Variants in CRIM1 observed in about 807,000 individuals in gnomAD.
The protein encoded by CRIM1 is cysteine-rich motor neuron 1 protein.
Under a neutral mutation model 116.4 loss-of-function variants are expected in CRIM1, and 32 were observed. The ratio of observed to expected loss-of-function variants is 0.27; its 90% CI spans 0.21 to 0.37. The LOEUF (loss-of-function observed/expected upper bound fraction) is 0.37. Ranked by LOEUF, CRIM1 falls within the 10% of genes least tolerant of loss-of-function variation. The pLI is 1.00. For synonymous variants in CRIM1, 590 were observed against 509.2 expected (o/e 1.16, Z -2.13); for missense variants, 1,331 against 1,354.8 (o/e 0.98, Z 0.28).
At chr2:36,427,564 C>T (rs1674554599) in intron 2 of CRIM1, among the ~76,000 whole-genome samples, 1 of 152,190 alleles carries the variant, frequency 6.6e-6, no homozygotes, top group Admixed American at 6.5e-5. Flanking sequence ...ATTCTACCAT[C>T]TTTCATGTTG....
intron 12 of CRIM1, among the ~76,000 whole-genome samples, chr2:36,518,882 A>C (rs903660484): frequency 1.3e-5 from 2 of 152,210 alleles, no homozygotes; most frequent in African/African-American, 2.4e-5. Context: ...TTAGTTTACA[A>C]ATATTTGTAG....
intron 4 of CRIM1, among the ~76,000 whole-genome samples, chr2:36,448,524 C>T (rs966895944): frequency 6.6e-6 from 1 of 152,242 alleles, no homozygotes; most frequent in African/African-American, 2.4e-5. Flanking sequence ...TACAGGCTTA[C>T]ACGGTAGACA....
intron 13 of CRIM1, chr2:36,529,094 C>G (rs532930394): frequency 1.5e-5 from 7 of 471,062 alleles, no homozygotes; most frequent in Non-Finnish European, 2.6e-5. Context: ...AGTTAGGCTG[C>G]TGCACTGCTA....
chr2:36,512,351 T>C lies in CRIM1; in HGVS notation c.1737T>C (p.Gly579=). Reference sequence around the variant, plus strand: ...CATGCAGTAAGATCTGCCCCTTGGGTTTCCAGCAGGACAGTCACGGCTGTC... The same window carrying C: ...CATGCAGTAAGATCTGCCCCTTGGGCTTCCAGCAGGACAGTCACGGCTGTC... ...ELSCSKICPL[G]FQQDSHGCLI... is the part of the protein sequence containing the mutation. Residue 579 remains glycine, a synonymous_variant, in exon 10 of 17, where the codon GGT becomes GGC. Transcript: ENST00000280527. 1.9e-6 allele frequency: 3 copies of C among 1,613,612 alleles called. No individual in the cohort carries two copies. Among genetic ancestry groups the C allele is most frequent in the Non-Finnish European group, 2.5e-6 (3 of 1,179,612 alleles).
At chr2:36,413,383 A>G (rs1673355855) in intron 2 of CRIM1, among the ~76,000 whole-genome samples, 1 of 152,168 alleles carries the variant, frequency 6.6e-6, no homozygotes, top group Non-Finnish European at 1.5e-5. Flanking sequence ...GTTTCTTTAT[A>G]CTTTTTTGGC....
At chr2:36,471,034 A>T (rs1678470414) in intron 5 of CRIM1, among the ~76,000 whole-genome samples, 1 of 152,224 alleles carries the variant, frequency 6.6e-6, no homozygotes, top group Non-Finnish European at 1.5e-5. Context: ...ATGTAGTAGA[A>T]GGAGCAAGAG....
intron 8 of CRIM1, among the ~76,000 whole-genome samples, chr2:36,500,136 G>A (rs538734176): frequency 2.6e-5 from 4 of 152,192 alleles, no homozygotes; most frequent in African/African-American, 9.6e-5. Context: ...AGACCAGCCT[G>A]GACGACATGG....
At chr2:36,440,417 T>A (rs1675715625) in intron 2 of CRIM1, among the ~76,000 whole-genome samples, 1 of 152,200 alleles carries the variant, frequency 6.6e-6, no homozygotes, top group Non-Finnish European at 1.5e-5. Flanking sequence ...TGTCTTTTAG[T>A]CTATTTCCAT....
At chr2:36,473,858 A>G (rs933787053) in intron 5 of CRIM1, among the ~76,000 whole-genome samples, 3 of 152,020 alleles carry the variant, frequency 2.0e-5, no homozygotes, top group Non-Finnish European at 4.4e-5. Context: ...ATATATTTTC[A>G]TTTCTCTTGG....
chr2:36,400,655 A>G (rs1672341574), intron 2 of CRIM1, among the ~76,000 whole-genome samples: 1 of 152,198 alleles, frequency 6.6e-6, no homozygotes, highest in Non-Finnish European at 1.5e-5. Context: ...AGAAGACTTC[A>G]AGGGAAAAAG....
intron 2 of CRIM1, among the ~76,000 whole-genome samples, chr2:36,403,359 A>T (rs1359137489): frequency 6.6e-6 from 1 of 152,230 alleles, no homozygotes; most frequent in Non-Finnish European, 1.5e-5. Context: ...TATATAGAGA[A>T]AAAATAGACA....
chr2:36,442,536 A>G (rs2124940188), intron 3 of CRIM1, 79 bp from the exon 4 acceptor site: 2 of 1,559,400 alleles, frequency 1.3e-6, no homozygotes, highest in Non-Finnish European at 1.8e-6. Flanking sequence ...ACATTTGTCA[A>G]GAGCTAGTAT....
At chr2:36,408,845 C>T (rs909349678) in intron 2 of CRIM1, among the ~76,000 whole-genome samples, 1 of 151,724 alleles carries the variant, frequency 6.6e-6, no homozygotes, top group African/African-American at 2.4e-5. Flanking sequence ...GGAGCATAAC[C>T]ACTTTAGCAT....
At chr2:36,546,332 C>T (rs1000785074) in intron 15 of CRIM1, among the ~76,000 whole-genome samples, 5 of 152,126 alleles carry the variant, frequency 3.3e-5, no homozygotes, top group African/African-American at 1.2e-4. Flanking sequence ...TAAAGGTCAT[C>T]ATTCATAAGT....
intron 13 of CRIM1, among the ~76,000 whole-genome samples, chr2:36,532,987 A>G (rs999826233): frequency 6.6e-6 from 1 of 152,224 alleles, no homozygotes; most frequent in Non-Finnish European, 1.5e-5. Context: ...TTAGAGTTAA[A>G]TGGCACAACC....
intron 4 of CRIM1, among the ~76,000 whole-genome samples, chr2:36,448,118 G>A (rs1348893473): frequency 1.3e-5 from 2 of 152,170 alleles, no homozygotes; most frequent in African/African-American, 2.4e-5. Flanking sequence ...GTTAAACTAG[G>A]TTTTCTCCCA....
intron 5 of CRIM1, among the ~76,000 whole-genome samples, chr2:36,470,750 G>A (rs1678436394): frequency 6.6e-6 from 1 of 152,174 alleles, no homozygotes; most frequent in African/African-American, 2.4e-5. Flanking sequence ...GCAGCCCATG[G>A]ACCAAGGAGT....
intron 7 of CRIM1, among the ~76,000 whole-genome samples, chr2:36,497,443 GTAGTGA>G (rs1680679108): frequency 6.6e-6 from 1 of 152,178 alleles, no homozygotes; most frequent in Non-Finnish European, 1.5e-5. Flanking sequence ...GCTAAGAAAA[GTAGTGA>G]TAAAAGAAAG....
At position 36,463,812 on chromosome 2, in the gene CRIM1, C is replaced by T. The variant is rs1389239150; in HGVS notation, c.870-722C>T. On this transcript the variant is annotated intron_variant, in intron 4 of 16. Transcript: ENST00000280527. The stretch of plus-strand genomic sequence containing the variant: ...AGCTCATGGAACACCCCCATTCATG[C>T]GTGCAGAGAGATCGATGCTCAGGTG... 3.9e-5 allele frequency among the ~76,000 whole-genome samples: 6 copies of T among 152,288 alleles called. No homozygotes were observed. In the East Asian group the frequency reaches 7.7e-4, roughly 20 times the overall value.
Sources: gnomAD v4.1 joint callset for allele counts (sites outside exome capture counted in the v4.1 genomes callset) on GRCh38, gnomAD v4.1.1 for gene constraint, MANE v1.5 for transcripts, NCBI Gene and HGNC (gene_info 2026-07-23, HGNC 2026-07-21) for gene names.